Variants in ALMS1 observed in about 807,000 individuals in gnomAD.
The protein encoded by ALMS1 is ALMS1 centrosome and basal body associated protein.
ALMS1 carries 271 observed loss-of-function variants against 352.2 expected under a neutral mutation model. That is an observed-to-expected ratio of 0.77 (90% CI 0.70 to 0.85). The LOEUF is 0.85. ALMS1 is among the 40% of genes least tolerant of loss of function. ALMS1 has a pLI of 0.00. For missense variants in ALMS1, 5,445 were observed against 4,870.7 expected (o/e 1.12, Z -3.51); for synonymous variants, 1,865 against 1,761.2 (o/e 1.06, Z -1.48).
intron 1 of ALMS1, among the ~76,000 whole-genome samples, chr2:73,387,090 G>A (rs1353642115): frequency 6.6e-6 from 1 of 152,242 alleles, no homozygotes; most frequent in Non-Finnish European, 1.5e-5. Context: ...TACCATGTTG[G>A]ACAGAGCAGA....
rs568208402 is a variant in ALMS1, at chr2:73,598,636, A to G, written c.11548-765A>G. On this transcript the variant is annotated intron_variant, in intron 16 of 22. Coordinates refer to ENST00000613296, the MANE Select transcript of ALMS1 (RefSeq NM_001378454.1). ...GACCTGCCTAAGTAGAAAATTCCCTAACATTTATTCAAAATATAGATTACC... is the reference window on the plus strand; with the variant it reads ...GACCTGCCTAAGTAGAAAATTCCCTGACATTTATTCAAAATATAGATTACC... Among the ~76,000 whole-genome samples, 157 of 152,248 alleles carry G rather than the reference A, an allele frequency of 1.0e-3. 1 individual carries two copies. Among genetic ancestry groups the G allele is most frequent in the African/African-American group, 3.6e-3 (149 of 41,528 alleles).
chr2:73,576,158 T>C (rs1675050561), intron 16 of ALMS1, among the ~76,000 whole-genome samples: 1 of 152,204 alleles, frequency 6.6e-6, no homozygotes, highest in Non-Finnish European at 1.5e-5. Context: ...GGGCTCTCTA[T>C]TCTGTTAGTC....
At chr2:73,458,052 A>AAAAAG (rs1171764883) in intron 9 of ALMS1, 1 of 151,746 alleles carries the variant, frequency 6.6e-6, no homozygotes, top group Non-Finnish European at 1.5e-5. Flanking sequence ...AAAAAAAAAA[A>AAAAAG]AGGTCTAAAA....
chr2:73,481,732 T>G (rs867487566), intron 9 of ALMS1, among the ~76,000 whole-genome samples: 4,934 of 149,168 alleles, frequency 0.033, 240 homozygotes, highest in African/African-American at 0.088. Flanking sequence ...TTCCATTTGT[T>G]TGTATCCTCT....
chr2:73,558,921 T>G, intron 14 of ALMS1, 51 bp from the exon 15 acceptor site: 3 of 1,590,278 alleles, frequency 1.9e-6, no homozygotes, highest in Non-Finnish European at 2.6e-6. Context: ...CATTTAAAAA[T>G]CTTTTATGTC....
chr2:73,388,168 T>C (rs1429560855), intron 1 of ALMS1, among the ~76,000 whole-genome samples: 1 of 152,258 alleles, frequency 6.6e-6, no homozygotes, highest in African/African-American at 2.4e-5. Flanking sequence ...GCCACACTTG[T>C]TGACTAGGTC....
intron 16 of ALMS1, among the ~76,000 whole-genome samples, chr2:73,593,120 G>T (rs1020278272): frequency 7.3e-6 from 1 of 136,876 alleles, no homozygotes; most frequent in African/African-American, 2.7e-5. Context: ...TTAGAGATGC[G>T]TGGGACTCTC....
In ALMS1 at chr2:73,453,054, A is replaced by G. The variant is rs1446018714; in HGVS notation, c.6527A>G (p.Asp2176Gly). 6.2e-7 allele frequency: 1 copy of G among 1,613,814 alleles called. No homozygotes were observed. The highest frequency in any genetic ancestry group is 8.5e-7 in the Non-Finnish European group (1 of 1,180,000). Residue 2176 changes from aspartate to glycine, a missense_variant, in exon 8 of 23, where the codon GAT becomes GGT. Physicochemically the swap from Asp to Gly is moderately conservative, Grantham distance 94. Transcript: ENST00000613296. Reference protein sequence around the residue: ...LKISSALGQADQITGLQTVPS... With the variant: ...LKISSALGQAGQITGLQTVPS... ...ATCTCAAGTGCTCTTGGGCAAGCTG[A>G]TCAAATTACCGGATTACAAACAGTT...
chr2:73,439,213 C>G (rs1231601206), intron 7 of ALMS1, among the ~76,000 whole-genome samples: 1 of 150,658 alleles, frequency 6.6e-6, no homozygotes, highest in Non-Finnish European at 1.5e-5. Context: ...AATTCCTGGG[C>G]TCAAGCAGTC....
At chr2:73,566,772 A>G (rs1463809591) in intron 15 of ALMS1, among the ~76,000 whole-genome samples, 1 of 152,178 alleles carries the variant, frequency 6.6e-6, no homozygotes, top group Non-Finnish European at 1.5e-5. Context: ...TTGGCCTCCT[A>G]TACTTCTGAC....
At chr2:73,508,956 A>G (rs1673394591) in intron 10 of ALMS1, among the ~76,000 whole-genome samples, 2 of 151,928 alleles carry the variant, frequency 1.3e-5, no homozygotes, top group Admixed American at 1.3e-4. Context: ...TGTTGCATTG[A>G]TCCGTTTACC....
chr2:73,419,347 A>G (rs1671243042), intron 3 of ALMS1, 29 bp downstream of exon 3: 4 of 1,598,452 alleles, frequency 2.5e-6, no homozygotes, highest in Non-Finnish European at 3.4e-6. Context: ...AACTAGTAGT[A>G]ATACCTCACA....
intron 10 of ALMS1, among the ~76,000 whole-genome samples, chr2:73,512,736 A>G (rs1384979568): frequency 1.3e-5 from 2 of 152,156 alleles, no homozygotes; most frequent in East Asian, 1.9e-4. Flanking sequence ...AGCCCCTTCA[A>G]GCTGGCTCTA....
At chr2:73,553,330 T>G (rs1674476411) in intron 13 of ALMS1, among the ~76,000 whole-genome samples, 1 of 152,136 alleles carries the variant, frequency 6.6e-6, no homozygotes, top group Admixed American at 6.6e-5. Context: ...ATGGTGGGAT[T>G]GAGGAAATGG....
chr2:73,535,383 G>GA (rs552313196), intron 12 of ALMS1, among the ~76,000 whole-genome samples: 12 of 150,912 alleles, frequency 8.0e-5, no homozygotes, highest in Middle Eastern at 3.4e-3. Context: ...TTTGGTTTTT[G>GA]AAAAAAAAAT....
intron 2 of ALMS1, among the ~76,000 whole-genome samples, chr2:73,418,735 A>G (rs72811904): frequency 0.063 from 9,543 of 152,326 alleles, 412 homozygotes; most frequent in Middle Eastern, 0.13. Flanking sequence ...AGAGAGCTAC[A>G]TTTGAAGCCT....
In ALMS1 at chr2:73,601,338, T is replaced by C. The variant is rs201959964; in HGVS notation, c.12016T>C (p.Cys4006Arg). 1.1e-5 allele frequency: 17 copies of C among 1,614,198 alleles called. No homozygotes were observed. The highest frequency in any genetic ancestry group is 2.5e-6 in the Non-Finnish European group (3 of 1,180,018). Residue 4006 changes from cysteine (C) to arginine (R), a missense_variant, in exon 19 of 23, where the codon TGT becomes CGT. Transcript: ENST00000613296. Reference protein sequence around the residue: ...PWREPLREQNCQGQHLDGRGY... With the variant: ...PWREPLREQNRQGQHLDGRGY... ...GAGGGAGCCACTGCGGGAGCAGAACTGTCAGGGGCAGCACCTGGACGGTCG... is the reference window on the plus strand; with the variant it reads ...GAGGGAGCCACTGCGGGAGCAGAACCGTCAGGGGCAGCACCTGGACGGTCG...
intron 16 of ALMS1, among the ~76,000 whole-genome samples, chr2:73,588,482 T>C (rs1294744940): frequency 6.6e-6 from 1 of 152,158 alleles, no homozygotes; most frequent in Non-Finnish European, 1.5e-5. Flanking sequence ...ATGTTATTGC[T>C]ATGTTTGTCT....
rs1198195770 is a variant in ALMS1 at position 73,386,072 on chromosome 2, AGACGACGAG to A, written c.207_215del (p.Asp69_Glu71del). 1 of 1,595,830 alleles carries A rather than the reference AGACGACGAG, an allele frequency of 6.3e-7. No individual in the cohort carries two copies. The highest frequency in any genetic ancestry group is 1.3e-5 in the African/African-American group (1 of 74,474). On this transcript the variant is annotated inframe_deletion, in exon 1 of 23. Transcript: ENST00000613296. ...ACGGGCCCCAGCATCTGGAAAGTATAGACGACGAGGAGGACGAGGAGGCCAAGGCCTGGC... is the reference window on the plus strand; with the variant it reads ...ACGGGCCCCAGCATCTGGAAAGTATAGAGGACGAGGAGGCCAAGGCCTGGC...
Sources: allele counts gnomAD v4.1 joint callset (sites outside exome capture counted in the v4.1 genomes callset), GRCh38; gene constraint gnomAD v4.1.1; transcripts MANE v1.5; gene names NCBI Gene and HGNC (gene_info 2026-07-23, HGNC 2026-07-21).